The following SLX4IP variants were observed in gnomAD, a reference collection of about 807,000 sequenced individuals.
The protein encoded by SLX4IP is protein SLX4IP.
SLX4IP carries 34 observed loss-of-function variants against 32.9 expected under a neutral mutation model. The observed-to-expected ratio is 1.03, with a 90% confidence interval of 0.79 to 1.38. The LOEUF (loss-of-function observed/expected upper bound fraction) is 1.38, where lower values mean the gene tolerates loss of function less well. Among genes scored for constraint, SLX4IP ranks in the 40% most tolerant of loss-of-function variants. SLX4IP has a pLI of 0.00. For missense variants in SLX4IP, 444 were observed against 479.0 expected, an observed-to-expected ratio of 0.93 and a Z score of 0.68; for synonymous variants, 172 against 171.7, an observed-to-expected ratio of 1.00 and a Z score of -0.01.
chr20:10,438,696 A>G (rs1600871564), intron 1 of SLX4IP, among the ~76,000 whole-genome samples: 1 of 151,302 alleles, frequency 6.6e-6, no homozygotes, highest in East Asian at 1.9e-4. Flanking sequence ...TGATCAGGCT[A>G]CCTGATCAAA....
chr20:10,601,310 C>T (rs2066838991), intron 5 of SLX4IP, among the ~76,000 whole-genome samples: 1 of 152,168 alleles, frequency 6.6e-6, no homozygotes, highest in African/African-American at 2.4e-5. Flanking sequence ...AGTAAAGTAA[C>T]TAGGAAAAAC....
At chr20:10,610,925 G>A (rs1474172972) in intron 6 of SLX4IP, among the ~76,000 whole-genome samples, 4 of 152,306 alleles carry the variant, frequency 2.6e-5, no homozygotes, top group East Asian at 1.9e-4. Context: ...AAAGACAGGT[G>A]GCTTCTGCGC....
intron 2 of SLX4IP, among the ~76,000 whole-genome samples, chr20:10,505,308 T>A (rs550607484): frequency 6.6e-6 from 1 of 152,352 alleles, no homozygotes; most frequent in Non-Finnish European, 1.5e-5. Context: ...ATAATTTTTC[T>A]TTCTGTGAGG....
chr20:10,579,122 A>G (rs2066554928), intron 4 of SLX4IP, among the ~76,000 whole-genome samples: 2 of 152,158 alleles, frequency 1.3e-5, no homozygotes, highest in African/African-American at 4.8e-5. Context: ...TTGATATCAT[A>G]TCTAAGAAAC....
At chr20:10,582,645 T>C (rs140238586) in intron 4 of SLX4IP, among the ~76,000 whole-genome samples, 19 of 152,206 alleles carry the variant, frequency 1.2e-4, no homozygotes, top group African/African-American at 4.3e-4. Context: ...GGTGAAGTTA[T>C]TGTTCGTATT....
intron 2 of SLX4IP, among the ~76,000 whole-genome samples, chr20:10,482,741 CA>C (rs1169620483): frequency 6.6e-6 from 1 of 152,092 alleles, no homozygotes; most frequent in African/African-American, 2.4e-5. Context: ...CAGAAGTGGG[CA>C]AATGGGCTAA....
intron 2 of SLX4IP, among the ~76,000 whole-genome samples, chr20:10,551,366 C>G (rs768277370): frequency 7.9e-5 from 12 of 152,198 alleles, no homozygotes; most frequent in Non-Finnish European, 1.6e-4. Context: ...TATGATGTAT[C>G]AGTGCACTGG....
At chr20:10,601,059 T>G (rs1216787106) in intron 5 of SLX4IP, among the ~76,000 whole-genome samples, 2 of 152,208 alleles carry the variant, frequency 1.3e-5, no homozygotes, top group Non-Finnish European at 2.9e-5. Flanking sequence ...GGAGTCCAGT[T>G]CAGTGATTTA....
chr20:10,466,222 A>G (rs984262550), intron 2 of SLX4IP, among the ~76,000 whole-genome samples: 6 of 152,238 alleles, frequency 3.9e-5, no homozygotes, highest in African/African-American at 1.4e-4. Flanking sequence ...GGCATTTGAA[A>G]AAGTATAGAA....
chr20:10,498,135 C>T (rs903849268), intron 2 of SLX4IP, among the ~76,000 whole-genome samples: 2 of 149,688 alleles, frequency 1.3e-5, no homozygotes, highest in Non-Finnish European at 3.0e-5. Flanking sequence ...CAATTATTGG[C>T]ATCCTAGATT....
intron 2 of SLX4IP, among the ~76,000 whole-genome samples, chr20:10,523,443 T>C (rs1406137992): frequency 6.6e-6 from 1 of 152,266 alleles, no homozygotes; most frequent in Non-Finnish European, 1.5e-5. Context: ...TATATAGACA[T>C]AGTCAAACGC....
chr20:10,597,942 T>G (rs2066791477), intron 4 of SLX4IP, among the ~76,000 whole-genome samples: 1 of 152,258 alleles, frequency 6.6e-6, no homozygotes. Flanking sequence ...TCTCATTCTA[T>G]ATGAAGATTT....
At chr20:10,590,234 G>A (rs958711292) in intron 4 of SLX4IP, among the ~76,000 whole-genome samples, 1 of 151,902 alleles carries the variant, frequency 6.6e-6, no homozygotes, top group African/African-American at 2.4e-5. Context: ...ATTTTTTAAT[G>A]CAGATCCCAC....
chr20:10,474,387 A>C (rs574672693), intron 2 of SLX4IP, among the ~76,000 whole-genome samples: 1 of 152,244 alleles, frequency 6.6e-6, no homozygotes, highest in Non-Finnish European at 1.5e-5. Context: ...ACAGCTATGC[A>C]GATATATTCT....
At chr20:10,461,175 T>C (rs576041754) in intron 2 of SLX4IP, among the ~76,000 whole-genome samples, 2 of 152,378 alleles carry the variant, frequency 1.3e-5, no homozygotes, top group African/African-American at 4.8e-5. Flanking sequence ...AGAAAAGGGC[T>C]GGGCTTCTTG....
intron 2 of SLX4IP, among the ~76,000 whole-genome samples, chr20:10,532,474 T>C (rs1297128777): frequency 4.6e-5 from 7 of 152,080 alleles, no homozygotes; most frequent in Non-Finnish European, 1.0e-4. Flanking sequence ...AAGGACCTGA[T>C]TGTAGTACCC....
chr20:10,443,142 C>T lies in SLX4IP; in HGVS notation c.-30+7689C>T, dbSNP rs543353344. On this transcript the variant is annotated intron_variant, in intron 1 of 7. Transcript: ENST00000334534. ...GTGAAATAGGTCCAGAGTGCTTGAC[C>T]TCTTTTTTGGAAGGCTTACTGTGGA... 4.7e-3 allele frequency among the ~76,000 whole-genome samples: 716 copies of T among 152,168 alleles called. 15 individuals are homozygous for T. The South Asian group carries it at 0.068, about 15-fold the overall frequency.
At chr20:10,437,251 A>G (rs1334927407) in intron 1 of SLX4IP, among the ~76,000 whole-genome samples, 2 of 152,118 alleles carry the variant, frequency 1.3e-5, no homozygotes, top group African/African-American at 4.8e-5. Context: ...TTGGTCTGTC[A>G]AAGTGCAGGA....
At position 10,619,734 on chromosome 20, in the gene SLX4IP, G is replaced by A. The variant is rs191090282; in HGVS notation, c.406-1580G>A. 3.9e-5 allele frequency among the ~76,000 whole-genome samples: 6 copies of A among 152,278 alleles called. No homozygotes were observed. The East Asian group carries it at 1.2e-3, about 29-fold the overall frequency. ...TGTGGCTGTGAGGGGAGAATCTACT[G>A]TACTTATAGGGCATGTTTAGAAGTG... On this transcript the variant is annotated intron_variant, in intron 6 of 7. Transcript: ENST00000334534.
Sources: gnomAD v4.1 joint callset for allele counts (sites outside exome capture counted in the v4.1 genomes callset) on GRCh38, gnomAD v4.1.1 for gene constraint, MANE v1.5 for transcripts, NCBI Gene and HGNC (gene_info 2026-07-23, HGNC 2026-07-21) for gene names.